Variants in RPP30 observed in about 807,000 individuals in gnomAD.
RPP30 encodes the protein ribonuclease P/MRP subunit p30, also known as ribonuclease P protein subunit p30.
RPP30 carries 36 observed loss-of-function variants against 38.6 expected under a neutral mutation model. That is an observed-to-expected ratio of 0.93 (90% CI 0.71 to 1.23). RPP30 has a LOEUF of 1.23. RPP30 is among the 50% of genes most tolerant of loss of function. The pLI is 0.00. For synonymous variants in RPP30, 126 were observed against 112.7 expected, an observed-to-expected ratio of 1.12 and a Z score of -0.75; for missense variants, 321 against 321.7, an observed-to-expected ratio of 1.00 and a Z score of 0.02.
At chr10:90,877,384 A>G (rs545492762) in intron 4 of RPP30, among the ~76,000 whole-genome samples, 193 of 152,206 alleles carry the variant, frequency 1.3e-3, no homozygotes, top group African/African-American at 4.4e-3. Flanking sequence ...CTGCATGAGT[A>G]ATTGAAATCA....
downstream of RPP30, chr10:90,902,326 T>C: frequency 2.6e-6 from 1 of 388,848 alleles, no homozygotes; most frequent in Non-Finnish European, 5.1e-6. Flanking sequence ...CAAGCCATCC[T>C]CCCACCTCAG....
chr10:90,878,381 CTTTA>C (rs1377347036), intron 4 of RPP30, among the ~76,000 whole-genome samples: 2 of 152,100 alleles, frequency 1.3e-5, no homozygotes, highest in Non-Finnish European at 2.9e-5. Context: ...AAATACCACA[CTTTA>C]TTCCATAATT....
chr10:90,902,993 GAAA>G (rs1370961403), downstream of RPP30, among the ~76,000 whole-genome samples: 3 of 152,140 alleles, frequency 2.0e-5, no homozygotes, highest in African/African-American at 7.2e-5. Flanking sequence ...TTTTAAATAT[GAAA>G]ATTGATGAGC....
chr10:90,878,840 G>C (rs1846886664), intron 4 of RPP30, among the ~76,000 whole-genome samples: 1 of 152,176 alleles, frequency 6.6e-6, no homozygotes, highest in African/African-American at 2.4e-5. Flanking sequence ...CATGGTTAAA[G>C]TATAACAAAT....
intron 5 of RPP30, among the ~76,000 whole-genome samples, chr10:90,883,635 A>G (rs1846961020): frequency 6.6e-6 from 1 of 152,210 alleles, no homozygotes; most frequent in Non-Finnish European, 1.5e-5. Context: ...TTAAACCAAC[A>G]TAGAGCCATT....
intron 6 of RPP30, among the ~76,000 whole-genome samples, chr10:90,886,805 C>T (rs956160204): frequency 9.9e-5 from 15 of 152,056 alleles, no homozygotes; most frequent in Admixed American, 3.3e-4. Context: ...TTAAGTTTTT[C>T]AAAGGATAAT....
Position 90,887,680 on chromosome 10 carries a change from C to T in RPP30, c.432+1779C>T, listed in dbSNP as rs115042702. On this transcript the variant is annotated intron_variant, in intron 6 of 10. Coordinates refer to ENST00000371703, the MANE Select transcript of RPP30 (RefSeq NM_006413.5). Reference sequence around the variant, plus strand: ...GATTACAGGCGTGAGCCACCACACCCGGCCTAGGGTAAATATTGACAGTAC... The same window carrying T: ...GATTACAGGCGTGAGCCACCACACCTGGCCTAGGGTAAATATTGACAGTAC... Among the ~76,000 whole-genome samples, 259 of 152,252 alleles carry T rather than the reference C, an allele frequency of 1.7e-3. 2 individuals are homozygous for T. The highest frequency in any genetic ancestry group is 6.0e-3 in the African/African-American group (249 of 41,530).
intron 5 of RPP30, among the ~76,000 whole-genome samples, chr10:90,883,370 A>G (rs1846957751): frequency 6.6e-6 from 1 of 152,190 alleles, no homozygotes. Flanking sequence ...AACCATTATA[A>G]GATTCTTAAC....
chr10:90,888,248 C>T (rs189129960), intron 6 of RPP30, among the ~76,000 whole-genome samples: 3 of 152,338 alleles, frequency 2.0e-5, no homozygotes, highest in Admixed American at 1.3e-4. Context: ...AATAAGCCCA[C>T]ATACGATACT....
At position 90,901,233 on chromosome 10, in the gene RPP30, C is replaced by T. The variant is rs896446994; in HGVS notation, c.*554C>T. The T allele has an allele frequency of 1.0e-5, 9 of 865,724 alleles. No homozygotes were observed. Among genetic ancestry groups the T allele is most frequent in the Non-Finnish European group, 1.2e-5 (9 of 721,422 alleles). The allele number at this position is 865,724 out of a possible 1,614,324, so 53.6% of individuals were successfully genotyped here. A position where few individuals can be genotyped will look rare whatever the true frequency, so the allele number is the denominator to read the frequency against. ...AACTCCTAGGATCAAGCCATCCTCCCGCTTTGGCCTCCTAAAGTGCTGGGA... is the reference window on the plus strand; with the variant it reads ...AACTCCTAGGATCAAGCCATCCTCCTGCTTTGGCCTCCTAAAGTGCTGGGA... On this transcript the variant is annotated 3_prime_UTR_variant, in exon 11 of 11. Transcript: ENST00000371703.
rs1446675322 is a variant in RPP30 at position 90,879,148 on chromosome 10, A to G, written c.342+14A>G. The G allele has an allele frequency of 1.3e-6, 2 of 1,584,936 alleles. No homozygotes were observed. Among genetic ancestry groups the G allele is most frequent in the Non-Finnish European group, 1.7e-6 (2 of 1,153,736 alleles). ...AAGCTTTTTCATGTGAGTAACAGAT[A>G]AGTAAAAGAAAGTAGTGTATATATG... is the stretch of plus-strand genomic sequence containing the variant. On this transcript the variant is annotated intron_variant, in intron 5 of 10. Coordinates refer to ENST00000371703, the MANE Select transcript of RPP30 (RefSeq NM_006413.5).
intron 4 of RPP30, 50 bp downstream of exon 4, chr10:90,876,148 A>G: frequency 1.7e-6 from 2 of 1,166,096 alleles, no homozygotes; most frequent in South Asian, 2.5e-5. Flanking sequence ...AGTTGTATTG[A>G]TTAATGTTGA....
At chr10:90,894,071 G>A (rs1847112003) in intron 6 of RPP30, among the ~76,000 whole-genome samples, 1 of 152,122 alleles carries the variant, frequency 6.6e-6, no homozygotes, top group African/African-American at 2.4e-5. Flanking sequence ...ATCTTCAAGG[G>A]CACTTCCATC....
intron 5 of RPP30, among the ~76,000 whole-genome samples, chr10:90,880,599 G>A (rs1348965791): frequency 6.6e-6 from 1 of 152,060 alleles, no homozygotes; most frequent in East Asian, 1.9e-4. Context: ...ATGGTGGCAC[G>A]CTCGCAGCTA....
chr10:90,881,950 T>G (rs952565284), intron 5 of RPP30, among the ~76,000 whole-genome samples: 4 of 152,128 alleles, frequency 2.6e-5, no homozygotes, highest in African/African-American at 9.7e-5. Flanking sequence ...CCATGGGACA[T>G]AATATACCAT....
At chr10:90,875,055 T>A in intron 2 of RPP30, 131 bp downstream of exon 2, 1 of 512,398 alleles carries the variant, frequency 2.0e-6, no homozygotes, top group Non-Finnish European at 3.5e-6. Flanking sequence ...ACTTTTCTAT[T>A]TTATATAGAA....
chr10:90,872,497 C>T (rs1846793274), intron 1 of RPP30, among the ~76,000 whole-genome samples: 1 of 151,868 alleles, frequency 6.6e-6, no homozygotes, highest in African/African-American at 2.4e-5. Flanking sequence ...AGGAGGAGGA[C>T]GTGGGAGTGT....
In RPP30 at chr10:90,888,877, G is replaced by A. The variant is rs144795027; in HGVS notation, c.432+2976G>A. Among the ~76,000 whole-genome samples the A allele has an allele frequency of 5.9e-3, 894 of 152,230 alleles. 5 individuals are homozygous for A. The highest frequency in any genetic ancestry group is 0.017 in the Middle Eastern group (5 of 294). On this transcript the variant is annotated intron_variant, in intron 6 of 10. Transcript: ENST00000371703. The stretch of plus-strand genomic sequence containing the variant: ...TGGTGTCTGCTTTAAAAAAAATCTG[G>A]TGTGAACATTTTGCATATGTTGTTT...
At position 90,901,545 on chromosome 10, in the gene RPP30, CCTTA is replaced by C; in HGVS notation, c.*870_*873del. 1.0e-6 allele frequency: 1 copy of C among 985,194 alleles called. No individual in the cohort carries two copies. The highest frequency in any genetic ancestry group is 6.1e-5 in the Admixed American group (1 of 16,266). 61.0% of individuals were successfully genotyped at this position (985,194 alleles called of 1,614,324 possible). A position where few individuals can be genotyped will look rare whatever the true frequency, so the allele number is the denominator to read the frequency against. On this transcript the variant is annotated 3_prime_UTR_variant, in exon 11 of 11. Transcript: ENST00000371703. ...TACGTAAGGTCTTTGAAATAGGATTCCTTACTTTTAGTTAGAAACCCCTAAAACG... is the reference window on the plus strand; with the variant it reads ...TACGTAAGGTCTTTGAAATAGGATTCCTTTTAGTTAGAAACCCCTAAAACG...
Sources: allele counts gnomAD v4.1 joint callset (sites outside exome capture counted in the v4.1 genomes callset), GRCh38; gene constraint gnomAD v4.1.1; transcripts MANE v1.5; gene names NCBI Gene and HGNC (gene_info 2026-07-23, HGNC 2026-07-21).